Variants in DPF3 observed in about 807,000 individuals in gnomAD.
DPF3 encodes the protein zinc finger protein DPF3.
In DPF3, 18 loss-of-function variants were observed where a neutral mutation model predicts 56.8. The ratio of observed to expected loss-of-function variants is 0.32; its 90% CI spans 0.22 to 0.47. The LOEUF (loss-of-function observed/expected upper bound fraction) is 0.47, where lower values mean the gene tolerates loss of function less well. Ranked by LOEUF, DPF3 falls within the 20% of genes least tolerant of loss-of-function variation. DPF3 has a pLI of 1.00. For synonymous variants in DPF3, 188 were observed against 180.2 expected (o/e 1.04, Z -0.35); for missense variants, 403 against 488.8 (o/e 0.82, Z 1.65).
At chr14:72,815,016 T>C (rs1448599745) in intron 1 of DPF3, among the ~76,000 whole-genome samples, 1 of 152,168 alleles carries the variant, frequency 6.6e-6, no homozygotes, top group Non-Finnish European at 1.5e-5. Flanking sequence ...GTCTACTCTT[T>C]GAAAGGCACT....
chr14:72,713,585 G>A (rs1386775495), intron 6 of DPF3, among the ~76,000 whole-genome samples: 1 of 152,218 alleles, frequency 6.6e-6, no homozygotes, highest in East Asian at 1.9e-4. Context: ...CCTCAGAGAG[G>A]AGAAGACGGC....
intron 1 of DPF3, among the ~76,000 whole-genome samples, chr14:72,808,530 G>A (rs1882891511): frequency 6.6e-6 from 1 of 152,160 alleles, no homozygotes. Context: ...TAAAATGCCT[G>A]GCGAACTTTG....
rs1884051253 is a variant in DPF3, at chr14:72,615,717, G to T, written c.*3580C>A. On this transcript the variant is annotated 3_prime_UTR_variant, in exon 11 of 11. Transcript: ENST00000556509. Reference sequence around the variant, plus strand: ...AGGGACAGGAGCAGGGGAGCCTTGGGACCTGCTGGCTCCTGCTTCAGGGGC... The same window carrying T: ...AGGGACAGGAGCAGGGGAGCCTTGGTACCTGCTGGCTCCTGCTTCAGGGGC... Among the ~76,000 whole-genome samples the T allele has an allele frequency of 6.6e-6, 1 of 152,212 alleles. No individual in the cohort carries two copies. The highest frequency in any genetic ancestry group is 1.5e-5 in the Non-Finnish European group (1 of 68,050).
intron 1 of DPF3, among the ~76,000 whole-genome samples, chr14:72,814,745 T>C (rs1342391209): frequency 6.6e-6 from 1 of 151,474 alleles, no homozygotes; most frequent in Non-Finnish European, 1.5e-5. Context: ...GGAAGGCAGA[T>C]GTTGCAGTGA....
Position 72,619,227 on chromosome 14 carries a change from C to G in DPF3, c.*70G>C. The G allele has an allele frequency of 2.1e-6, 3 of 1,446,542 alleles. No homozygotes were observed. Among genetic ancestry groups the G allele is most frequent in the Admixed American group, 2.1e-5 (1 of 48,496 alleles). The allele number at this position is 1,446,542 out of a possible 1,614,324, so 89.6% of individuals were successfully genotyped here. A position where few individuals can be genotyped will look rare whatever the true frequency, so the allele number is the denominator to read the frequency against. On this transcript the variant is annotated 3_prime_UTR_variant, in exon 11 of 11. Transcript: ENST00000556509. Reference sequence around the variant, plus strand: ...TCTGGCTGGATATGTGGGAGGAGGGCGCGTTCTGGTTTGAACTGGGCTCTG... The same window carrying G: ...TCTGGCTGGATATGTGGGAGGAGGGGGCGTTCTGGTTTGAACTGGGCTCTG...
intron 1 of DPF3, among the ~76,000 whole-genome samples, chr14:72,859,899 A>G (rs1451464525): frequency 1.3e-5 from 2 of 151,668 alleles, no homozygotes; most frequent in Admixed American, 1.3e-4. Context: ...CCTGAAAGAC[A>G]TGATCTAGTG....
At chr14:72,850,740 G>C (rs1331775346) in intron 1 of DPF3, among the ~76,000 whole-genome samples, 1 of 152,160 alleles carries the variant, frequency 6.6e-6, no homozygotes, top group Non-Finnish European at 1.5e-5. Flanking sequence ...GCTGCTGAGG[G>C]GTGACCTCTC....
At chr14:72,627,981 C>A (rs1884935355) in intron 9 of DPF3, among the ~76,000 whole-genome samples, 2 of 151,990 alleles carry the variant, frequency 1.3e-5, no homozygotes, top group Admixed American at 1.3e-4. Context: ...GTTTTATAAT[C>A]TGTTACCTTT....
chr14:72,847,222 C>T (rs756748266), intron 1 of DPF3, among the ~76,000 whole-genome samples: 3 of 152,140 alleles, frequency 2.0e-5, no homozygotes, highest in Non-Finnish European at 2.9e-5. Context: ...GACCAGACCG[C>T]GTCCTAAGAG....
intron 4 of DPF3, among the ~76,000 whole-genome samples, chr14:72,728,143 A>C (rs1889483622): frequency 1.3e-5 from 2 of 152,232 alleles, no homozygotes. Context: ...GTCAAATTAC[A>C]TGAACTAAGC....
At chr14:72,740,301 A>G (rs1219014004) in intron 3 of DPF3, among the ~76,000 whole-genome samples, 4 of 152,174 alleles carry the variant, frequency 2.6e-5, no homozygotes, top group African/African-American at 9.7e-5. Flanking sequence ...AGCATGATAT[A>G]ATGATGCCTA....
chr14:72,866,757 G>A (rs1262210528), intron 1 of DPF3, among the ~76,000 whole-genome samples: 1 of 150,778 alleles, frequency 6.6e-6, no homozygotes, highest in African/African-American at 2.4e-5. Context: ...TCGGGAGGCT[G>A]AGACAGGAGA....
At chr14:72,653,561 G>C (rs1160592185) in intron 8 of DPF3, among the ~76,000 whole-genome samples, 1 of 152,238 alleles carries the variant, frequency 6.6e-6, no homozygotes, top group Non-Finnish European at 1.5e-5. Flanking sequence ...CAGCAACTCA[G>C]CCTGGTTTCC....
Position 72,611,993 on chromosome 14 carries a change from GTTTA to G in DPF3, c.*7300_*7303del, listed in dbSNP as rs1457000619. On this transcript the variant is annotated 3_prime_UTR_variant, in exon 11 of 11. Transcript: ENST00000556509. ...AACTTGAAGGCTAGGCCAGCATGCG[GTTTA>G]TTTTCCAGCCCCTACAGGACCTAGA... 6.6e-6 allele frequency among the ~76,000 whole-genome samples: 1 copy of G among 152,188 alleles called. No individual in the cohort carries two copies. The highest frequency in any genetic ancestry group is 2.4e-5 in the African/African-American group (1 of 41,442).
At chr14:72,725,401 G>C (rs1889362505) in intron 4 of DPF3, among the ~76,000 whole-genome samples, 2 of 152,050 alleles carry the variant, frequency 1.3e-5, no homozygotes, top group South Asian at 4.2e-4. Context: ...TGGAGGATGA[G>C]CAAAGACTGG....
intron 1 of DPF3, among the ~76,000 whole-genome samples, chr14:72,805,122 C>T (rs1303187975): frequency 5.8e-5 from 8 of 138,812 alleles, no homozygotes; most frequent in Non-Finnish European, 1.5e-5. Flanking sequence ...CAGCCTCCCA[C>T]AGGACCTGCC....
At position 72,693,185 on chromosome 14, in the gene DPF3, C is replaced by T. The variant is rs370278642; in HGVS notation, c.633G>A (p.Pro211=). Residue 211 remains proline (P), a synonymous_variant, in exon 7 of 11, where the codon CCG becomes CCA. Coordinates refer to ENST00000556509, the MANE Select transcript of DPF3 (RefSeq NM_001280542.3). The part of the protein sequence containing the change: ...DICGKRYKNR[P]GLSYHYAHTH... ...TGTGAGCATAGTGGTAGCTGAGCCC[C>T]GGTCGGTTCTTGTAGCGCTTGCCAC... The T allele has an allele frequency of 5.3e-5, 85 of 1,613,796 alleles. No homozygotes were observed. The highest frequency in any genetic ancestry group is 5.2e-4 in the Admixed American group (31 of 60,000).
At chr14:72,792,306 C>T (rs923273120) in intron 1 of DPF3, among the ~76,000 whole-genome samples, 5 of 152,166 alleles carry the variant, frequency 3.3e-5, no homozygotes, top group African/African-American at 9.7e-5. Flanking sequence ...GACCTGGAGC[C>T]GACTGTGCTT....
intron 8 of DPF3, among the ~76,000 whole-genome samples, chr14:72,653,541 G>C (rs58322420): frequency 0.36 from 54,576 of 152,172 alleles, 10,591 homozygotes; most frequent in East Asian, 0.69. Context: ...ACCCCAAGGA[G>C]CTTCACGGCC....
Sources: gnomAD v4.1 joint callset for allele counts (sites outside exome capture counted in the v4.1 genomes callset) on GRCh38, gnomAD v4.1.1 for gene constraint, MANE v1.5 for transcripts, NCBI Gene and HGNC (gene_info 2026-07-23, HGNC 2026-07-21) for gene names.